CNTN5: variants seen among roughly 807,000 people sequenced by gnomAD.
The protein encoded by CNTN5 is contactin 5, also known as contactin-5.
In CNTN5, 77 loss-of-function variants were observed where a neutral mutation model predicts 129.1. The ratio of observed to expected loss-of-function variants is 0.60; its 90% CI spans 0.50 to 0.72. CNTN5 has a LOEUF of 0.72. Among genes scored for constraint, CNTN5 ranks in the 30% least tolerant of loss-of-function variants. The probability of loss-of-function intolerance (pLI) is 0.00; values close to 1 mark genes in which losing one functional copy is unlikely to be tolerated. For missense variants in CNTN5, 1,478 were observed against 1,328.8 expected (o/e 1.11, Z -1.75); for synonymous variants, 509 against 465.6 (o/e 1.09, Z -1.20).
intron 2 of CNTN5, among the ~76,000 whole-genome samples, chr11:99,510,002 TA>T (rs939055475): frequency 8.6e-5 from 13 of 151,186 alleles, no homozygotes; most frequent in South Asian, 8.4e-4. Flanking sequence ...GCCTCAATTT[TA>T]AAAAAAATGT....
At chr11:99,750,778 A>C (rs1286781857) in intron 3 of CNTN5, among the ~76,000 whole-genome samples, 1 of 152,210 alleles carries the variant, frequency 6.6e-6, no homozygotes, top group African/African-American at 2.4e-5. Flanking sequence ...ATCTTTGAGA[A>C]TATTCCCTCT....
intron 1 of CNTN5, among the ~76,000 whole-genome samples, chr11:99,263,278 C>T (rs899848700): frequency 4.6e-5 from 7 of 151,894 alleles, no homozygotes; most frequent in African/African-American, 7.3e-5. Context: ...ACTTTTATCC[C>T]GGAGAAAAAA....
intron 2 of CNTN5, among the ~76,000 whole-genome samples, chr11:99,459,288 A>G (rs112689748): frequency 0.012 from 1,880 of 152,064 alleles, 43 homozygotes; most frequent in African/African-American, 0.043. Context: ...AATAGTGGGG[A>G]GTGAGGAAAA....
chr11:100,211,386 A>G (rs1468140008), intron 15 of CNTN5, among the ~76,000 whole-genome samples: 1 of 152,160 alleles, frequency 6.6e-6, no homozygotes, highest in Non-Finnish European at 1.5e-5. Context: ...AAAATAATGT[A>G]TGAAGAACGA....
At chr11:99,550,838 T>C (rs1449053799) in intron 2 of CNTN5, among the ~76,000 whole-genome samples, 1 of 152,188 alleles carries the variant, frequency 6.6e-6, no homozygotes, top group Non-Finnish European at 1.5e-5. Flanking sequence ...GTTGTGTTTG[T>C]TACAAGTCTA....
intron 18 of CNTN5, among the ~76,000 whole-genome samples, chr11:100,290,114 G>A (rs1175899773): frequency 5.3e-5 from 8 of 151,378 alleles, no homozygotes; most frequent in Admixed American, 2.0e-4. Context: ...AGAGGATACA[G>A]ACAAATGGAA....
intron 2 of CNTN5, among the ~76,000 whole-genome samples, chr11:99,479,800 G>T (rs1875890): frequency 1.3e-4 from 20 of 152,074 alleles, no homozygotes; most frequent in African/African-American, 4.8e-4. Flanking sequence ...ATGTTTTGAG[G>T]TAAAGAAAAA....
intron 2 of CNTN5, among the ~76,000 whole-genome samples, chr11:99,336,118 T>G (rs1866212891): frequency 1.3e-5 from 2 of 152,204 alleles, no homozygotes. Flanking sequence ...CAGTAGTAAA[T>G]TCAATAAATG....
At chr11:99,993,207 A>G (rs1591537789) in intron 8 of CNTN5, among the ~76,000 whole-genome samples, 1 of 152,208 alleles carries the variant, frequency 6.6e-6, no homozygotes, top group Non-Finnish European at 1.5e-5. Flanking sequence ...TAGTACATAT[A>G]GTATGCCTGG....
At position 100,007,740 on chromosome 11, in the gene CNTN5, A is replaced by G. The variant is rs146406869; in HGVS notation, c.980+5604A>G. 2.4e-3 allele frequency among the ~76,000 whole-genome samples: 371 copies of G among 151,904 alleles called. 1 individual carries two copies. Among genetic ancestry groups the G allele is most frequent in the African/African-American group, 8.6e-3 (356 of 41,452 alleles). On this transcript the variant is annotated intron_variant, in intron 9 of 24. Transcript: ENST00000524871. ...AGCAATAAGCCTGTTTTGCTTTCTT[A>G]TCATTTGTGTTTTCACTGGGGTAGC...
intron 9 of CNTN5, among the ~76,000 whole-genome samples, chr11:100,035,471 T>A (rs1461050316): frequency 6.1e-5 from 9 of 147,122 alleles, no homozygotes; most frequent in Admixed American, 2.0e-4. Flanking sequence ...TTTATAGTCC[T>A]TTGGGTATAT....
intron 1 of CNTN5, among the ~76,000 whole-genome samples, chr11:99,268,467 T>A (rs1863012810): frequency 6.6e-6 from 1 of 151,698 alleles, no homozygotes. Flanking sequence ...AATGGAAAAT[T>A]ATAAAAGCAT....
chr11:100,087,167 ATAAGCACAGATGCCAT>A (rs1362146128), intron 13 of CNTN5, among the ~76,000 whole-genome samples: 1 of 151,762 alleles, frequency 6.6e-6, no homozygotes, highest in Non-Finnish European at 1.5e-5. Context: ...AAAATGAAAA[ATAAGCACAGATGCCAT>A]AAACAGATAA....
intron 1 of CNTN5, among the ~76,000 whole-genome samples, chr11:99,213,059 C>A (rs1185521039): frequency 6.6e-6 from 1 of 151,534 alleles, no homozygotes; most frequent in Non-Finnish European, 1.5e-5. Flanking sequence ...GGCGTGGTGG[C>A]ACACACCTGT....
chr11:99,819,411 C>T (rs80112037), intron 3 of CNTN5, 133 bp from the exon 4 acceptor site: 1,542 of 677,392 alleles, frequency 2.3e-3, no homozygotes, highest in African/African-American at 0.017. Flanking sequence ...TTTTCACACT[C>T]TCACTGTAAT....
chr11:99,570,275 G>A (rs1451727406), intron 3 of CNTN5, among the ~76,000 whole-genome samples: 1 of 152,042 alleles, frequency 6.6e-6, no homozygotes, highest in Non-Finnish European at 1.5e-5. Context: ...AATTCAGAAA[G>A]AACTATTTCA....
At chr11:99,914,772 T>A (rs1591412019) in intron 6 of CNTN5, among the ~76,000 whole-genome samples, 1 of 152,132 alleles carries the variant, frequency 6.6e-6, no homozygotes, top group Admixed American at 6.6e-5. Context: ...ATGTCTTCAC[T>A]ACTTATTAGA....
intron 9 of CNTN5, among the ~76,000 whole-genome samples, chr11:100,033,976 A>AT (rs2137629944): frequency 6.6e-6 from 1 of 152,312 alleles, no homozygotes; most frequent in East Asian, 1.9e-4. Flanking sequence ...AGAAAAAAAA[A>AT]GACATTTCTA....
At chr11:99,111,213 C>A (rs1232092633) in intron 1 of CNTN5, among the ~76,000 whole-genome samples, 3 of 152,028 alleles carry the variant, frequency 2.0e-5, no homozygotes, top group Non-Finnish European at 4.4e-5. Flanking sequence ...TGACTCTGTA[C>A]AACTGCACAT....
Sources: gnomAD v4.1 joint callset for allele counts (sites outside exome capture counted in the v4.1 genomes callset) on GRCh38, gnomAD v4.1.1 for gene constraint, MANE v1.5 for transcripts, NCBI Gene and HGNC (gene_info 2026-07-23, HGNC 2026-07-21) for gene names.